The following ATG4B variants were observed in gnomAD, a reference collection of about 807,000 sequenced individuals.
ATG4B encodes cysteine protease ATG4B.
ATG4B carries 29 observed loss-of-function variants against 56.6 expected under a neutral mutation model. The ratio of observed to expected loss-of-function variants is 0.51; its 90% CI spans 0.38 to 0.70. The LOEUF (loss-of-function observed/expected upper bound fraction) is 0.70. ATG4B is among the 30% of genes least tolerant of loss of function. ATG4B has a pLI of 0.00. For missense variants in ATG4B, 461 were observed against 515.5 expected, an observed-to-expected ratio of 0.89 and a Z score of 1.02; for synonymous variants, 224 against 206.1, an observed-to-expected ratio of 1.09 and a Z score of -0.74.
intron 7 of ATG4B, among the ~76,000 whole-genome samples, chr2:241,661,421 G>C (rs1040970042): frequency 1.3e-5 from 2 of 152,190 alleles, no homozygotes; most frequent in Admixed American, 1.3e-4. Flanking sequence ...CCCCAGGAGG[G>C]AGTAGTGGGG....
chr2:241,654,921 A>G lies in ATG4B; in HGVS notation c.385+274A>G, dbSNP rs964250105. On this transcript the variant is annotated intron_variant, in intron 5 of 12. Coordinates refer to ENST00000404914, the MANE Select transcript of ATG4B (RefSeq NM_013325.5). ...CTGGTGCTCGGCACAGTCTGGGGAAATTGGCCTCGCCCCATCAGTGAATCT... is the reference window on the plus strand; with the variant it reads ...CTGGTGCTCGGCACAGTCTGGGGAAGTTGGCCTCGCCCCATCAGTGAATCT... 23 of 571,388 alleles carry G rather than the reference A, an allele frequency of 4.0e-5. No individual in the cohort carries two copies. In the Admixed American group the frequency reaches 7.2e-4, roughly 18 times the overall value. The allele number at this position is 571,388 out of a possible 1,614,324, so 35.4% of individuals were successfully genotyped here.
intron 10 of ATG4B, among the ~76,000 whole-genome samples, chr2:241,669,825 A>G (rs2068902647): frequency 6.6e-6 from 1 of 152,226 alleles, no homozygotes; most frequent in African/African-American, 2.4e-5. Flanking sequence ...ACTTCTTACC[A>G]GAACCTAGTC....
chr2:241,659,635 C>G (rs964177979), intron 7 of ATG4B: 38 of 316,570 alleles, frequency 1.2e-4, no homozygotes, highest in Admixed American at 2.9e-4. Context: ...CTGCTGCAAC[C>G]CTGAAGGAAC....
chr2:241,656,475 C>A (rs1315699694), intron 6 of ATG4B, among the ~76,000 whole-genome samples: 1 of 152,174 alleles, frequency 6.6e-6, no homozygotes, highest in Non-Finnish European at 1.5e-5. Context: ...TCTCTTGCTG[C>A]TGCCTGGAGT....
At chr2:241,650,081 G>A (rs760856819) in intron 1 of ATG4B, among the ~76,000 whole-genome samples, 44 of 152,268 alleles carry the variant, frequency 2.9e-4, no homozygotes, top group Non-Finnish European at 3.5e-4. Flanking sequence ...ACTGTGCCTG[G>A]CCTAGTTTCT....
chr2:241,672,145 G>T, intron 12 of ATG4B, 46 bp from the exon 13 acceptor site: 1 of 1,552,364 alleles, frequency 6.4e-7, no homozygotes, highest in Admixed American at 2.0e-5. Flanking sequence ...TCACACCCAG[G>T]TGGCCCACCC....
chr2:241,654,846 G>T, intron 5 of ATG4B, 199 bp downstream of exon 5: 1 of 598,224 alleles, frequency 1.7e-6, no homozygotes, highest in Non-Finnish European at 3.0e-6. Context: ...TCCCACCCAG[G>T]CCCAGACCCT....
At chr2:241,670,911 G>A (rs1037968074) in intron 11 of ATG4B, 129 bp downstream of exon 11, 9 of 974,124 alleles carry the variant, frequency 9.2e-6, no homozygotes, top group Admixed American at 4.1e-5. Flanking sequence ...GCTTTGTCCC[G>A]CCTGGCACAG....
In ATG4B at chr2:241,668,812, T is replaced by G; in HGVS notation, c.957+127T>G. The G allele has an allele frequency of 2.2e-6, 3 of 1,386,562 alleles. No individual in the cohort carries two copies. The highest frequency in any genetic ancestry group is 1.9e-6 in the Non-Finnish European group (2 of 1,034,100). 85.9% of individuals were successfully genotyped at this position (1,386,562 alleles called of 1,614,324 possible). A position where few individuals can be genotyped will look rare whatever the true frequency, so the allele number is the denominator to read the frequency against. On this transcript the variant is annotated intron_variant, in intron 10 of 12. Coordinates refer to ENST00000404914, the MANE Select transcript of ATG4B (RefSeq NM_013325.5). This position sits in a 1 kb window ranked among gnomAD's most constrained non-coding sequence, Gnocchi z 4.2. ...TGGGATAAGTACTGTGTTCACGTGGTTGGGAATCTGAAGGGTATAAGAGCC... is the reference window on the plus strand; with the variant it reads ...TGGGATAAGTACTGTGTTCACGTGGGTGGGAATCTGAAGGGTATAAGAGCC...
chr2:241,650,461 C>T (rs1348408008), intron 1 of ATG4B, among the ~76,000 whole-genome samples: 1 of 152,114 alleles, frequency 6.6e-6, no homozygotes. Flanking sequence ...CATCTGCCTT[C>T]ATCACAGTGA....
intron 8 of ATG4B, among the ~76,000 whole-genome samples, chr2:241,667,352 TC>T (rs2068810516): frequency 6.6e-6 from 1 of 151,980 alleles, no homozygotes; most frequent in African/African-American, 2.4e-5. Flanking sequence ...ATGACTGTAA[TC>T]CCAGCACTTT....
At chr2:241,671,978 G>C in intron 12 of ATG4B, 1 of 1,411,410 alleles carries the variant, frequency 7.1e-7, no homozygotes, top group Non-Finnish European at 9.2e-7. Context: ...GCCGCCCCCT[G>C]CCCTCCTCAC....
Position 241,651,367 on chromosome 2 carries a change from A to G in ATG4B, c.184+32A>G, listed in dbSNP as rs757415812. 6.6e-7 allele frequency: 1 copy of G among 1,505,806 alleles called. No individual in the cohort carries two copies. The highest frequency in any genetic ancestry group is 9.0e-7 in the Non-Finnish European group (1 of 1,108,904). 93.3% of individuals were successfully genotyped at this position (1,505,806 alleles called of 1,614,324 possible). ...ACTCTGTTTTATTACAACGCGGGACAAAATATGTTTTTAGGAAGGAGGAAA... is the reference window on the plus strand; with the variant it reads ...ACTCTGTTTTATTACAACGCGGGACGAAATATGTTTTTAGGAAGGAGGAAA... On this transcript the variant is annotated intron_variant, in intron 3 of 12. Coordinates refer to ENST00000404914, the MANE Select transcript of ATG4B (RefSeq NM_013325.5). The surrounding 1 kb of genome is among the most constrained non-coding windows in gnomAD (Gnocchi z 4.1).
intron 8 of ATG4B, chr2:241,667,825 C>T: frequency 3.2e-6 from 1 of 316,266 alleles, no homozygotes; most frequent in South Asian, 4.8e-5. Flanking sequence ...TCTGCCCTGT[C>T]AGGTCAAAGC....
chr2:241,658,725 G>C (rs1242249606), intron 6 of ATG4B, among the ~76,000 whole-genome samples: 1 of 152,250 alleles, frequency 6.6e-6, no homozygotes, highest in African/African-American at 2.4e-5. Flanking sequence ...GGGGAGAGCA[G>C]AGCAGAGCGT....
chr2:241,666,822 A>G lies in ATG4B; in HGVS notation c.716A>G (p.Tyr239Cys). The part of the protein sequence containing the change: ...RLGLTDINEA[Y>C]VETLKHCFMM... The stretch of plus-strand genomic sequence containing the variant: ...GGGCTCACGGACATCAACGAGGCCT[A>G]CGTGGAGACGCTGAAGGTGGGTCCT... Residue 239 changes from tyrosine to cysteine, a missense_variant, in exon 8 of 13, where the codon TAC becomes TGC. Coordinates refer to ENST00000404914, the MANE Select transcript of ATG4B (RefSeq NM_013325.5). 2.6e-6 allele frequency: 4 copies of G among 1,564,868 alleles called. No homozygotes were observed. The highest frequency in any genetic ancestry group is 3.5e-6 in the Non-Finnish European group (4 of 1,155,162).
At chr2:241,671,184 C>T in intron 11 of ATG4B, 128 bp from the exon 12 acceptor site, 2 of 799,930 alleles carry the variant, frequency 2.5e-6, no homozygotes, top group Non-Finnish European at 2.0e-6. Context: ...TGTGGAGCTG[C>T]CTCTGTTTTC....
chr2:241,659,913 C>T (rs571787165), intron 7 of ATG4B: 39 of 157,486 alleles, frequency 2.5e-4, no homozygotes, highest in African/African-American at 8.9e-4. Flanking sequence ...TCATTTAGGC[C>T]GGGCGCGGTG....
intron 3 of ATG4B, among the ~76,000 whole-genome samples, chr2:241,652,634 C>G (rs540826924): frequency 1.6e-4 from 24 of 152,318 alleles, no homozygotes; most frequent in African/African-American, 5.8e-4. Context: ...GTGTCTGGGA[C>G]TACAGGTGCA....
Sources: allele counts gnomAD v4.1 joint callset (sites outside exome capture counted in the v4.1 genomes callset), GRCh38; gene constraint gnomAD v4.1.1; non-coding constraint Gnocchi (gnomAD v3.1); transcripts MANE v1.5; gene names NCBI Gene and HGNC (gene_info 2026-07-23, HGNC 2026-07-21).